Variants in BTAF1 observed in about 807,000 individuals in gnomAD.
BTAF1 encodes TATA-binding protein-associated factor 172.
In BTAF1, 38 loss-of-function variants were observed where a neutral mutation model predicts 227.1. That is an observed-to-expected ratio of 0.17 (90% CI 0.13 to 0.22). The LOEUF is 0.22. BTAF1 is among the 10% of genes least tolerant of loss of function. BTAF1 has a pLI of 1.00. For missense variants in BTAF1, 1,598 were observed against 2,204.0 expected, an observed-to-expected ratio of 0.73 and a Z score of 5.51; for synonymous variants, 742 against 751.9, an observed-to-expected ratio of 0.99 and a Z score of 0.21.
intron 1 of BTAF1, among the ~76,000 whole-genome samples, chr10:91,926,223 T>C (rs1843819402): frequency 6.6e-6 from 1 of 152,198 alleles, no homozygotes; most frequent in East Asian, 1.9e-4. Flanking sequence ...GTAAAATAGG[T>C]GGAAAATAGC....
intron 35 of BTAF1, among the ~76,000 whole-genome samples, chr10:92,025,591 G>A (rs1338753351): frequency 6.6e-6 from 1 of 152,064 alleles, no homozygotes; most frequent in Non-Finnish European, 1.5e-5. Context: ...TGGATTACTT[G>A]AGGTCAGGAG....
Position 92,029,167 on chromosome 10 carries a change from TGCAGA to T in BTAF1, c.*241_*245del. The T allele has an allele frequency of 2.7e-6, 1 of 375,954 alleles. No homozygotes were observed. The highest frequency in any genetic ancestry group is 4.6e-6 in the Non-Finnish European group (1 of 219,528). The allele number at this position is 375,954 out of a possible 1,614,324, so 23.3% of individuals were successfully genotyped here. On this transcript the variant is annotated 3_prime_UTR_variant, in exon 38 of 38. Coordinates refer to ENST00000265990, the MANE Select transcript of BTAF1 (RefSeq NM_003972.3). ...GTTTAAATTTTACATGCTGAAAAGC[TGCAGA>T]GCAGAGGAACCAAACCAGGTTTATT...
At chr10:92,018,258 AT>A (rs1850877240) in intron 33 of BTAF1, among the ~76,000 whole-genome samples, 1 of 151,880 alleles carries the variant, frequency 6.6e-6, no homozygotes, top group Admixed American at 6.6e-5. Flanking sequence ...TAATTTTTGT[AT>A]TTTTAGTAGA....
intron 14 of BTAF1, among the ~76,000 whole-genome samples, chr10:91,972,386 C>T (rs1847368291): frequency 6.6e-6 from 1 of 152,160 alleles, no homozygotes; most frequent in Non-Finnish European, 1.5e-5. Context: ...CACTCCCTCC[C>T]ACTCTCACCT....
At chr10:91,928,116 A>AT (rs34178666) in intron 1 of BTAF1, among the ~76,000 whole-genome samples, 48,348 of 151,448 alleles carry the variant, frequency 0.32, 8,842 homozygotes, top group South Asian at 0.52. Flanking sequence ...AATTAGAATA[A>AT]TTTTTGAAGT....
chr10:92,024,955 C>G lies in BTAF1; in HGVS notation c.5063C>G (p.Ser1688Cys). Residue 1688 changes from serine (S) to cysteine (C), a missense_variant, in exon 35 of 38, where the codon TCC (serine) becomes TGC (cysteine). Physicochemically the swap from Ser to Cys is moderately radical, Grantham distance 112 (BLOSUM62 -1). Transcript: ENST00000265990. The stretch of plus-strand genomic sequence containing the variant: ...AGCATACCTCCTGGTCAGAGGCATT[C>G]CATTGTTTCCCGGTAAGTGGCTTCT... The part of the protein sequence containing the change: ...DGSIPPGQRH[S>C]IVSRFNNDPS... 6.2e-7 allele frequency: 1 copy of G among 1,613,736 alleles called. No homozygotes were observed. The highest frequency in any genetic ancestry group is 8.5e-7 in the Non-Finnish European group (1 of 1,179,816).
intron 1 of BTAF1, among the ~76,000 whole-genome samples, chr10:91,927,302 C>A (rs1030176461): frequency 4.6e-5 from 7 of 152,018 alleles, no homozygotes; most frequent in African/African-American, 1.7e-4. Context: ...CCACACCCGG[C>A]TAATTTTGTA....
chr10:91,958,007 T>C (rs545119984), intron 8 of BTAF1, among the ~76,000 whole-genome samples: 1 of 152,252 alleles, frequency 6.6e-6, no homozygotes, highest in Admixed American at 6.5e-5. Flanking sequence ...TTGTCTTCTT[T>C]TGGCACTCAC....
chr10:92,008,715 C>T, intron 26 of BTAF1, 114 bp from the exon 27 acceptor site: 1 of 1,022,312 alleles, frequency 9.8e-7, no homozygotes, highest in Non-Finnish European at 1.4e-6. Context: ...ATTTATTTCT[C>T]TTTTGCATAT....
rs1366468010 is a variant in BTAF1, at chr10:91,923,871, A to AC, written c.-202dup. The AC allele has an allele frequency of 2.0e-5, 10 of 510,056 alleles. No homozygotes were observed. The highest frequency in any genetic ancestry group is 3.4e-5 in the Non-Finnish European group (10 of 298,346). 31.6% of individuals were successfully genotyped at this position (510,056 alleles called of 1,614,324 possible). A position where few individuals can be genotyped will look rare whatever the true frequency, so the allele number is the denominator to read the frequency against. ...ACTGCCGCCTCCGCTACCGTCTTGG[A>AC]CCCCTGCTTACCGGCCGCCGCGGGG... On this transcript the variant is annotated 5_prime_UTR_variant, in exon 1 of 38. Coordinates refer to ENST00000265990, the MANE Select transcript of BTAF1 (RefSeq NM_003972.3).
intron 14 of BTAF1, among the ~76,000 whole-genome samples, chr10:91,971,854 G>T (rs1284188329): frequency 1.3e-5 from 2 of 151,128 alleles, no homozygotes; most frequent in African/African-American, 4.9e-5. Flanking sequence ...TTTTTTAATG[G>T]AGAAAAGAGC....
intron 20 of BTAF1, among the ~76,000 whole-genome samples, chr10:91,990,979 G>A (rs893647649): frequency 6.6e-6 from 1 of 151,810 alleles, no homozygotes; most frequent in African/African-American, 2.4e-5. Context: ...GGGTGCAGTG[G>A]CTCACGCCTG....
rs1564656864 is a variant in BTAF1, at chr10:91,937,625, T to C, written c.138+1845T>C. 2.0e-5 allele frequency among the ~76,000 whole-genome samples: 3 copies of C among 152,234 alleles called. No homozygotes were observed. In the South Asian group the frequency reaches 6.2e-4, roughly 32 times the overall value. ...ATATTGTAGCATGTATATTCATTCT[T>C]ATTGCCAAATAATATTCCATTGTGT... is the stretch of plus-strand genomic sequence containing the variant. On this transcript the variant is annotated intron_variant, in intron 2 of 37. Transcript: ENST00000265990.
intron 8 of BTAF1, among the ~76,000 whole-genome samples, chr10:91,957,855 T>G (rs1206559063): frequency 6.6e-6 from 1 of 152,166 alleles, no homozygotes; most frequent in Non-Finnish European, 1.5e-5. Context: ...ACTCATGGGG[T>G]GTTAAGAAGT....
chr10:92,001,563 C>A (rs1426950689), intron 25 of BTAF1, among the ~76,000 whole-genome samples: 8 of 152,048 alleles, frequency 5.3e-5, no homozygotes, highest in Admixed American at 5.2e-4. Context: ...TTTGGATCTT[C>A]CTTGATAAAG....
At chr10:92,020,244 G>A (rs1391477208) in intron 34 of BTAF1, among the ~76,000 whole-genome samples, 1 of 151,888 alleles carries the variant, frequency 6.6e-6, no homozygotes, top group African/African-American at 2.4e-5. Flanking sequence ...TATAATTCAT[G>A]TCGATGTGGA....
chr10:91,984,835 A>G (rs1848295026), intron 19 of BTAF1, among the ~76,000 whole-genome samples: 1 of 152,144 alleles, frequency 6.6e-6, no homozygotes, highest in Non-Finnish European at 1.5e-5. Context: ...CATTTTACCT[A>G]ATTTACTTTA....
Position 92,013,789 on chromosome 10 carries a change from C to T in BTAF1, c.4434C>T (p.Ser1478=), listed in dbSNP as rs776340169. The change falls in exon 31 of 38, where the codon TCC becomes TCT. Residue 1478 remains serine (S), a synonymous_variant. Transcript: ENST00000265990. ...PILASRDARS[S]SREQEAGVLA... ...TAGCAAGTAGGGATGCTCGAAGCTC[C>T]AGTCGAGAGCAAGAAGCAGGTATGA... The T allele has an allele frequency of 5.6e-6, 9 of 1,613,952 alleles. No homozygotes were observed. Among genetic ancestry groups the T allele is most frequent in the Admixed American group, 3.3e-5 (2 of 60,012 alleles).
chr10:91,996,804 A>G (rs894926176), intron 24 of BTAF1, among the ~76,000 whole-genome samples: 2 of 152,180 alleles, frequency 1.3e-5, no homozygotes, highest in South Asian at 4.1e-4. Context: ...GAAAATTGCT[A>G]TTGATTTTAA....
Sources: gnomAD v4.1 joint callset for allele counts (sites outside exome capture counted in the v4.1 genomes callset) on GRCh38, gnomAD v4.1.1 for gene constraint, MANE v1.5 for transcripts, NCBI Gene and HGNC (gene_info 2026-07-23, HGNC 2026-07-21) for gene names.